Variants in ROR1 observed in about 807,000 individuals in gnomAD.
ROR1 encodes ROR family WNT receptor 1, also known as inactive tyrosine-protein kinase transmembrane receptor ROR1.
Under a neutral mutation model 78.8 loss-of-function variants are expected in ROR1, and 19 were observed. The ratio of observed to expected loss-of-function variants is 0.24; its 90% CI spans 0.17 to 0.35. The LOEUF is 0.35. Ranked by LOEUF, ROR1 falls within the 10% of genes least tolerant of loss-of-function variation. ROR1 has a pLI of 1.00. For synonymous variants in ROR1, 386 were observed against 433.6 expected, an observed-to-expected ratio of 0.89 and a Z score of 1.36; for missense variants, 917 against 1,177.8, an observed-to-expected ratio of 0.78 and a Z score of 3.24.
intron 1 of ROR1, among the ~76,000 whole-genome samples, chr1:63,824,421 T>G (rs537188430): frequency 2.0e-5 from 3 of 151,628 alleles, no homozygotes; most frequent in Admixed American, 6.6e-5. Flanking sequence ...ATTATTTGTC[T>G]TTTTTTTTCC....
At chr1:64,040,172 G>A (rs1646734954) in intron 2 of ROR1, among the ~76,000 whole-genome samples, 1 of 152,152 alleles carries the variant, frequency 6.6e-6, no homozygotes, top group South Asian at 2.1e-4. Context: ...TGGGGGTTTA[G>A]TTTTTAAAAA....
chr1:64,124,852 A>G (rs761166741), intron 4 of ROR1, among the ~76,000 whole-genome samples: 6 of 152,200 alleles, frequency 3.9e-5, no homozygotes, highest in Non-Finnish European at 8.8e-5. Context: ...TTTCATAACT[A>G]TGAGCATATG....
At chr1:64,112,364 C>G (rs185440461) in intron 4 of ROR1, among the ~76,000 whole-genome samples, 2,520 of 147,250 alleles carry the variant, frequency 0.017, 54 homozygotes, top group Non-Finnish European at 0.02. Flanking sequence ...AACTGGGGCA[C>G]AGAAAAAAAA....
intron 1 of ROR1, among the ~76,000 whole-genome samples, chr1:63,860,631 T>G (rs1645175168): frequency 6.8e-6 from 1 of 147,074 alleles, no homozygotes; most frequent in South Asian, 2.2e-4. Context: ...TAGCCAGGTG[T>G]GGTGGCACGA....
At chr1:63,911,735 T>A (rs975175027) in intron 1 of ROR1, among the ~76,000 whole-genome samples, 1 of 152,112 alleles carries the variant, frequency 6.6e-6, no homozygotes, top group Non-Finnish European at 1.5e-5. Context: ...AAGACTCTTG[T>A]TCCAGGGAAG....
intron 4 of ROR1, among the ~76,000 whole-genome samples, chr1:64,092,952 T>A (rs748375543): frequency 6.6e-6 from 1 of 152,218 alleles, no homozygotes; most frequent in Non-Finnish European, 1.5e-5. Context: ...GTGGGGCTTA[T>A]GACAGACATA....
At chr1:63,857,870 G>A (rs963766938) in intron 1 of ROR1, among the ~76,000 whole-genome samples, 14 of 152,198 alleles carry the variant, frequency 9.2e-5, no homozygotes, top group East Asian at 1.9e-4. Context: ...TGCACAGTTG[G>A]CATGATGGAA....
chr1:63,931,479 G>A (rs574852659), intron 1 of ROR1, among the ~76,000 whole-genome samples: 1 of 152,222 alleles, frequency 6.6e-6, no homozygotes, highest in South Asian at 2.1e-4. Flanking sequence ...CCAAGGTTTT[G>A]CTTTCCAGGG....
At chr1:63,906,858 A>T (rs1557554791) in intron 1 of ROR1, among the ~76,000 whole-genome samples, 1 of 151,698 alleles carries the variant, frequency 6.6e-6, no homozygotes, top group African/African-American at 2.4e-5. Context: ...CTTTATTCTT[A>T]TTTTTTTGTC....
At chr1:63,967,054 A>C (rs1462255879) in intron 1 of ROR1, among the ~76,000 whole-genome samples, 1 of 152,204 alleles carries the variant, frequency 6.6e-6, no homozygotes, top group Non-Finnish European at 1.5e-5. Context: ...TTCTAAAATT[A>C]GTTCTTAAGG....
intron 4 of ROR1, among the ~76,000 whole-genome samples, chr1:64,069,937 C>A (rs1425426268): frequency 1.3e-5 from 2 of 152,158 alleles, no homozygotes; most frequent in Non-Finnish European, 1.5e-5. Flanking sequence ...TTACCACTGT[C>A]TAGTTGTAGA....
At chr1:63,843,216 A>G (rs1645060044) in intron 1 of ROR1, 10 of 1,489,870 alleles carry the variant, frequency 6.7e-6, no homozygotes, top group African/African-American at 1.4e-5. Flanking sequence ...CTCTAGGGAG[A>G]TGACCGCACT....
intron 1 of ROR1, among the ~76,000 whole-genome samples, chr1:64,002,585 A>G (rs1171666611): frequency 6.6e-6 from 1 of 152,190 alleles, no homozygotes; most frequent in Non-Finnish European, 1.5e-5. Context: ...ATTTTTATTC[A>G]CTTTAAAGAT....
At chr1:64,134,921 G>C (rs1160168848) in intron 4 of ROR1, among the ~76,000 whole-genome samples, 1 of 151,910 alleles carries the variant, frequency 6.6e-6, no homozygotes, top group Non-Finnish European at 1.5e-5. Flanking sequence ...ACTAATTTTT[G>C]TATTTTTAGT....
chr1:64,061,940 T>C (rs1646919842), intron 4 of ROR1, among the ~76,000 whole-genome samples: 1 of 152,234 alleles, frequency 6.6e-6, no homozygotes, highest in African/African-American at 2.4e-5. Flanking sequence ...TCACCCTCTT[T>C]TATCTGTCAG....
intron 1 of ROR1, among the ~76,000 whole-genome samples, chr1:63,864,742 G>A (rs1227124825): frequency 2.0e-5 from 3 of 151,400 alleles, no homozygotes; most frequent in Non-Finnish European, 4.4e-5. Context: ...CTGCTGCTGT[G>A]GAGCAGTTGT....
intron 1 of ROR1, among the ~76,000 whole-genome samples, chr1:63,911,259 T>C (rs770283491): frequency 6.6e-6 from 1 of 152,182 alleles, no homozygotes; most frequent in African/African-American, 2.4e-5. Context: ...TGTTCTCATC[T>C]GTAAAATGGG....
At chr1:63,782,669 A>C (rs1245347943) in intron 1 of ROR1, among the ~76,000 whole-genome samples, 10 of 151,926 alleles carry the variant, frequency 6.6e-5, no homozygotes, top group Non-Finnish European at 1.0e-4. Context: ...GATAGAATAA[A>C]ATAGGAAACC....
chr1:64,069,857 T>C (rs1308065849), intron 4 of ROR1, among the ~76,000 whole-genome samples: 2 of 152,172 alleles, frequency 1.3e-5, no homozygotes, highest in African/African-American at 4.8e-5. Context: ...TGACATAAAA[T>C]ATACAATTTT....
Sources: gnomAD v4.1 joint callset for allele counts (sites outside exome capture counted in the v4.1 genomes callset) on GRCh38, gnomAD v4.1.1 for gene constraint, MANE v1.5 for transcripts, NCBI Gene and HGNC (gene_info 2026-07-23, HGNC 2026-07-21) for gene names.